Variants in RRBP1 observed in about 807,000 individuals in gnomAD.
The protein encoded by RRBP1 is ribosome binding protein 1, also known as ribosome-binding protein 1.
RRBP1 carries 94 observed loss-of-function variants against 165.2 expected under a neutral mutation model. The observed-to-expected ratio is 0.57, with a 90% CI of 0.48 to 0.68. The LOEUF (loss-of-function observed/expected upper bound fraction) is 0.68. RRBP1 is among the 30% of genes least tolerant of loss of function. RRBP1 has a pLI of 0.00. For missense variants in RRBP1, 1,676 were observed against 1,763.0 expected (o/e 0.95, Z 0.88); for synonymous variants, 680 against 714.5 (o/e 0.95, Z 0.77).
intron 4 of RRBP1, 39 bp downstream of exon 4, chr20:17,642,940 A>G (rs1178527026): frequency 6.2e-7 from 1 of 1,602,956 alleles, no homozygotes; most frequent in East Asian, 2.2e-5. Context: ...AGCCAGCTGC[A>G]GTGGCCTCTG....
rs1409817321 is a variant in RRBP1 at position 17,658,918 on chromosome 20, T to TGAA, written c.1589_1590insTTC (p.Ala530_Glu531insSer). On this transcript the variant is annotated inframe_insertion, in exon 3 of 25. Transcript: ENST00000377813. ...TTTTGCCTTGGTTGGGACTCCTTTC[T>TGAA]GCCTTTTTGCCCTGAGCCCCTTCTG... The TGAA allele has an allele frequency of 6.2e-7, 1 of 1,613,156 alleles. No homozygotes were observed. Among genetic ancestry groups the TGAA allele is most frequent in the Non-Finnish European group, 8.5e-7 (1 of 1,179,900 alleles).
Position 17,677,325 on chromosome 20 carries a change from T to C in RRBP1, c.-22+2674A>G, listed in dbSNP as rs537350072. Among the ~76,000 whole-genome samples the C allele has an allele frequency of 8.5e-5, 13 of 152,334 alleles. No individual in the cohort carries two copies. In the East Asian group the frequency reaches 2.5e-3, roughly 29 times the overall value. ...TTCCAACTTTTGAGTCAGCAGATGA[T>C]ATTCATTATCACTATAAATAGTCTG... is the stretch of plus-strand genomic sequence containing the variant. On this transcript the variant is annotated intron_variant, in intron 2 of 24. Coordinates refer to ENST00000377813, the MANE Select transcript of RRBP1 (RefSeq NM_001365613.2).
At position 17,614,083 on chromosome 20, in the gene RRBP1, G is replaced by A; in HGVS notation, c.*99C>T. 6.6e-6 allele frequency: 8 copies of A among 1,220,438 alleles called. No individual in the cohort carries two copies. The highest frequency in any genetic ancestry group is 2.5e-5 in the South Asian group (2 of 81,392). 75.6% of individuals were successfully genotyped at this position (1,220,438 alleles called of 1,614,324 possible). A position where few individuals can be genotyped will look rare whatever the true frequency, so the allele number is the denominator to read the frequency against. On this transcript the variant is annotated 3_prime_UTR_variant, in exon 25 of 25. Transcript: ENST00000377813. Reference sequence around the variant, plus strand: ...CTTCTCTCGGAGCTACCGGAAGTTGGGCCTGGATAACGCTGTGTAGGTTGG... The same window carrying A: ...CTTCTCTCGGAGCTACCGGAAGTTGAGCCTGGATAACGCTGTGTAGGTTGG...
At position 17,621,719 on chromosome 20, in the gene RRBP1, G is replaced by A. The variant is rs61733413; in HGVS notation, c.3295C>T (p.His1099Tyr). 2.0e-3 allele frequency: 3,282 copies of A among 1,613,682 alleles called. 45 individuals carry two copies. The African/African-American group carries it at 0.037, about 18-fold the overall frequency. The change falls in exon 15 of 25, where the codon CAC (histidine) becomes TAC (tyrosine). Residue 1099 changes from histidine to tyrosine, a missense_variant. Transcript: ENST00000377813. ...LKEKGPTLLK[H>Y]PPAPAEPSSD... ...GAGGGCTCCGCGGGAGCTGGCGGGTGCTTCAGCAGCGTGGGGCCTTTCTCT... is the reference window on the plus strand; with the variant it reads ...GAGGGCTCCGCGGGAGCTGGCGGGTACTTCAGCAGCGTGGGGCCTTTCTCT...
chr20:17,619,008 G>C (rs1355974104), intron 19 of RRBP1: 4 of 302,008 alleles, frequency 1.3e-5, no homozygotes, highest in Admixed American at 8.4e-5. Flanking sequence ...CGCTGGTCTT[G>C]AACTCTTGGG....
chr20:17,618,176 G>A (rs958801375), intron 20 of RRBP1, among the ~76,000 whole-genome samples: 3 of 152,240 alleles, frequency 2.0e-5, no homozygotes, highest in Non-Finnish European at 4.4e-5. Context: ...CCCACAGAAG[G>A]CACGGGACTT....
intron 13 of RRBP1, among the ~76,000 whole-genome samples, chr20:17,623,539 T>C (rs1315524623): frequency 6.6e-6 from 1 of 152,148 alleles, no homozygotes; most frequent in East Asian, 1.9e-4. Context: ...GGGAGACACC[T>C]GCACACGCCC....
At chr20:17,667,186 TG>T (rs2122482110) in intron 2 of RRBP1, among the ~76,000 whole-genome samples, 1 of 152,366 alleles carries the variant, frequency 6.6e-6, no homozygotes, top group East Asian at 1.9e-4. Context: ...TAGGGTTTTC[TG>T]TTCTTTGTAG....
intron 3 of RRBP1, among the ~76,000 whole-genome samples, chr20:17,647,877 G>A (rs984633911): frequency 6.6e-6 from 1 of 152,214 alleles, no homozygotes; most frequent in African/African-American, 2.4e-5. Context: ...CACCCAGCAT[G>A]GCTGCCCAAG....
At chr20:17,620,149 G>A (rs1243681306) in intron 18 of RRBP1, 150 bp downstream of exon 18, 1 of 686,558 alleles carries the variant, frequency 1.5e-6, no homozygotes, top group Non-Finnish European at 2.6e-6. Context: ...GGAAAAACAG[G>A]ATGGACAAGA....
intron 2 of RRBP1, among the ~76,000 whole-genome samples, chr20:17,665,111 TG>T (rs3838382): frequency 3.6e-3 from 538 of 150,988 alleles, no homozygotes; most frequent in African/African-American, 9.7e-3. Context: ...CATATATATG[TG>T]GGGGGGGGAC....
At chr20:17,654,844 G>C (rs532316226) in intron 3 of RRBP1, among the ~76,000 whole-genome samples, 3 of 152,204 alleles carry the variant, frequency 2.0e-5, no homozygotes, top group Non-Finnish European at 2.9e-5. Flanking sequence ...TATGTCCAGA[G>C]ACAGCAAGCA....
At chr20:17,617,788 A>C (rs906016061) in intron 20 of RRBP1, among the ~76,000 whole-genome samples, 4 of 152,234 alleles carry the variant, frequency 2.6e-5, no homozygotes, top group Non-Finnish European at 5.9e-5. Flanking sequence ...TGCAGGGGGA[A>C]TGCCAGCCCA....
At chr20:17,618,801 G>T in intron 19 of RRBP1, 122 bp from the exon 20 acceptor site, 1 of 745,838 alleles carries the variant, frequency 1.3e-6, no homozygotes, top group Non-Finnish European at 2.3e-6. Flanking sequence ...CCCTGAGGAG[G>T]GTCACAGCAT....
Position 17,651,366 on chromosome 20 carries a change from A to C in RRBP1, c.1912+7230T>G, listed in dbSNP as rs150075293. Among the ~76,000 whole-genome samples the C allele has an allele frequency of 4.1e-4, 63 of 152,368 alleles. 1 individual carries two copies. In the East Asian group the frequency reaches 0.011, roughly 26 times the overall value. ...AAATTAAAAACGTACCCACCTTTTGACTTGACAATTACTTATCTAGGACTT... is the reference window on the plus strand; with the variant it reads ...AAATTAAAAACGTACCCACCTTTTGCCTTGACAATTACTTATCTAGGACTT... On this transcript the variant is annotated intron_variant, in intron 3 of 24. Transcript: ENST00000377813.
intron 2 of RRBP1, 100 bp from the exon 3 acceptor site, chr20:17,660,628 C>T: frequency 1.4e-6 from 1 of 724,580 alleles, no homozygotes; most frequent in Non-Finnish European, 2.3e-6. Context: ...CTAATTCTTT[C>T]TTCAGGCTAA....
chr20:17,633,713 A>G, intron 7 of RRBP1, 100 bp from the exon 8 acceptor site: 1 of 1,239,186 alleles, frequency 8.1e-7, no homozygotes, highest in Non-Finnish European at 1.1e-6. Flanking sequence ...GTAAGTAAGC[A>G]GTTGCCCAAG....
intron 11 of RRBP1, among the ~76,000 whole-genome samples, chr20:17,626,575 T>C (rs2036024936): frequency 6.6e-6 from 1 of 152,162 alleles, no homozygotes; most frequent in Non-Finnish European, 1.5e-5. Context: ...CTAGGACACA[T>C]CTGACCGTGT....
intron 13 of RRBP1, among the ~76,000 whole-genome samples, chr20:17,622,266 C>T (rs1198321832): frequency 6.6e-6 from 1 of 152,180 alleles, no homozygotes; most frequent in Non-Finnish European, 1.5e-5. Context: ...TCTCACTTCC[C>T]GAGCTCTCTG....
Sources: allele counts gnomAD v4.1 joint callset (sites outside exome capture counted in the v4.1 genomes callset), GRCh38; gene constraint gnomAD v4.1.1; transcripts MANE v1.5; gene names NCBI Gene and HGNC (gene_info 2026-07-23, HGNC 2026-07-21).